KLHL14: variants seen among roughly 807,000 people sequenced by gnomAD.
KLHL14 encodes kelch-like protein 14.
A neutral mutation model predicts 64.3 loss-of-function variants in KLHL14; 22 were observed. That is an observed-to-expected ratio of 0.34 (90% CI 0.24 to 0.49). The LOEUF (loss-of-function observed/expected upper bound fraction) is 0.49, where lower values mean the gene tolerates loss of function less well. Ranked by LOEUF, KLHL14 falls within the 20% of genes least tolerant of loss-of-function variation. The pLI, the probability that KLHL14 is intolerant of heterozygous loss-of-function variation, is 0.99. For synonymous variants in KLHL14, 322 were observed against 333.4 expected, an observed-to-expected ratio of 0.97 and a Z score of 0.37; for missense variants, 661 against 789.0, an observed-to-expected ratio of 0.84 and a Z score of 1.94.
At chr18:32,693,409 CACACAGAGAG>C (rs2049920164) in intron 4 of KLHL14, among the ~76,000 whole-genome samples, 2 of 116,710 alleles carry the variant, frequency 1.7e-5, no homozygotes, top group African/African-American at 7.1e-5. Context: ...CACACACACA[CACACAGAGAG>C]AGAGAGAGAG....
chr18:32,683,799 A>G lies in KLHL14; in HGVS notation c.1239-3200T>C, dbSNP rs1469849259. 6.6e-6 allele frequency among the ~76,000 whole-genome samples: 1 copy of G among 152,198 alleles called. No homozygotes were observed. Among genetic ancestry groups the G allele is most frequent in the African/African-American group, 2.4e-5 (1 of 41,446 alleles). On this transcript the variant is annotated intron_variant, in intron 5 of 8. Coordinates refer to ENST00000359358, the MANE Select transcript of KLHL14 (RefSeq NM_020805.3). This position sits in a 1 kb window ranked among gnomAD's most constrained non-coding sequence, Gnocchi z 4.2. ...GTCAGTTTATATCCTAAAGCATGAG[A>G]TTGGATTACTATATCCTTACCCTGC... is the stretch of plus-strand genomic sequence containing the variant.
chr18:32,702,342 T>TG (rs1246871838), intron 3 of KLHL14, among the ~76,000 whole-genome samples: 6 of 121,928 alleles, frequency 4.9e-5, no homozygotes, highest in African/African-American at 2.0e-4. Context: ...AGGTTTTTTG[T>TG]TTTTTTTTTT....
intron 2 of KLHL14, among the ~76,000 whole-genome samples, chr18:32,748,783 C>T (rs1343030820): frequency 2.0e-5 from 3 of 152,156 alleles, no homozygotes; most frequent in Non-Finnish European, 4.4e-5. Flanking sequence ...AGCCACTGGG[C>T]CTGGCCTCTT....
At chr18:32,718,975 T>A (rs1342391474) in intron 3 of KLHL14, among the ~76,000 whole-genome samples, 3 of 151,964 alleles carry the variant, frequency 2.0e-5, no homozygotes, top group African/African-American at 7.3e-5. Context: ...TGAGACAGAG[T>A]TTCACTCTTG....
chr18:32,764,694 A>G (rs2050331448), intron 2 of KLHL14, among the ~76,000 whole-genome samples: 1 of 152,192 alleles, frequency 6.6e-6, no homozygotes, highest in South Asian at 2.1e-4. Flanking sequence ...TTCAGTGCCC[A>G]CAAATGCAGT....
At chr18:32,752,766 C>G (rs1028152852) in intron 2 of KLHL14, among the ~76,000 whole-genome samples, 10 of 148,246 alleles carry the variant, frequency 6.7e-5, no homozygotes, top group Middle Eastern at 3.5e-3. Flanking sequence ...GTAGTGGTTC[C>G]CAATGTGGGA....
chr18:32,763,273 T>C (rs1404396531), intron 2 of KLHL14, among the ~76,000 whole-genome samples: 1 of 152,204 alleles, frequency 6.6e-6, no homozygotes, highest in African/African-American at 2.4e-5. Context: ...TTAAGTGCTG[T>C]AGACCAGAAG....
At chr18:32,752,338 A>G (rs1004139556) in intron 2 of KLHL14, among the ~76,000 whole-genome samples, 2 of 152,176 alleles carry the variant, frequency 1.3e-5, no homozygotes, top group East Asian at 3.8e-4. Context: ...GAAAAAGGAA[A>G]AAGCGTATTT....
At chr18:32,732,091 G>C (rs1378973437) in intron 3 of KLHL14, among the ~76,000 whole-genome samples, 1 of 152,148 alleles carries the variant, frequency 6.6e-6, no homozygotes, top group Non-Finnish European at 1.5e-5. Context: ...GGGCGTGGTG[G>C]CACATGCCTG....
intron 3 of KLHL14, among the ~76,000 whole-genome samples, chr18:32,739,811 T>C (rs922863736): frequency 2.6e-5 from 4 of 152,224 alleles, no homozygotes; most frequent in South Asian, 2.1e-4. Flanking sequence ...GGGCAGTGGA[T>C]TGAAGTGGTA....
intron 3 of KLHL14, among the ~76,000 whole-genome samples, chr18:32,705,983 T>C (rs539167771): frequency 6.6e-6 from 1 of 152,336 alleles, no homozygotes; most frequent in South Asian, 2.1e-4. Context: ...CTGGAAGCAA[T>C]TGGTAGCATT....
rs59903048 is a variant in KLHL14 at position 32,674,503 on chromosome 18, G to A, written c.*154C>T. On this transcript the variant is annotated 3_prime_UTR_variant, in exon 9 of 9. Coordinates refer to ENST00000359358, the MANE Select transcript of KLHL14 (RefSeq NM_020805.3). ...AGACATAGTATCTGTTCAAGAACAG[G>A]TCTCTTTCTTTTGTAGTTACTTATA... 19,975 of 631,390 alleles carry A rather than the reference G, an allele frequency of 0.032. 516 individuals are homozygous for A. The highest frequency in any genetic ancestry group is 0.098 in the African/African-American group (5,442 of 55,518). 39.1% of individuals were successfully genotyped at this position (631,390 alleles called of 1,614,324 possible).
intron 4 of KLHL14, among the ~76,000 whole-genome samples, chr18:32,693,411 CACAG>C (rs1203594667): frequency 1.8e-3 from 205 of 113,018 alleles, no homozygotes; most frequent in Admixed American, 4.1e-3. Context: ...CACACACACA[CACAG>C]AGAGAGAGAG....
intron 2 of KLHL14, among the ~76,000 whole-genome samples, chr18:32,760,362 A>G (rs549023575): frequency 6.6e-6 from 1 of 150,510 alleles, no homozygotes; most frequent in Non-Finnish European, 1.5e-5. Flanking sequence ...ACACACACAC[A>G]TATACACACA....
intron 2 of KLHL14, among the ~76,000 whole-genome samples, chr18:32,747,804 T>C (rs1306092983): frequency 2.0e-5 from 3 of 152,194 alleles, no homozygotes; most frequent in East Asian, 1.9e-4. Flanking sequence ...AATATCAATC[T>C]TTTTTTAAAA....
chr18:32,710,551 A>G (rs577745311), intron 3 of KLHL14, among the ~76,000 whole-genome samples: 28 of 152,210 alleles, frequency 1.8e-4, no homozygotes, highest in South Asian at 8.3e-4. Flanking sequence ...GCTGTATATG[A>G]AACAGAAAAG....
intron 3 of KLHL14, among the ~76,000 whole-genome samples, chr18:32,705,435 T>C (rs1033189966): frequency 6.6e-5 from 10 of 152,202 alleles, no homozygotes; most frequent in African/African-American, 2.4e-4. Context: ...TAAAAGATTG[T>C]ATTATGACTG....
chr18:32,760,594 C>A (rs540192968), intron 2 of KLHL14, among the ~76,000 whole-genome samples: 1 of 152,172 alleles, frequency 6.6e-6, no homozygotes, highest in Non-Finnish European at 1.5e-5. Context: ...AGTCTCCATA[C>A]GGTGGCCCAG....
intron 2 of KLHL14, among the ~76,000 whole-genome samples, chr18:32,762,928 G>T (rs777802083): frequency 6.6e-6 from 1 of 151,990 alleles, no homozygotes; most frequent in Non-Finnish European, 1.5e-5. Context: ...GTCTTATTTT[G>T]TTATTAAAAT....
Sources: gnomAD v4.1 joint callset for allele counts (sites outside exome capture counted in the v4.1 genomes callset) on GRCh38, gnomAD v4.1.1 for gene constraint, Gnocchi (gnomAD v3.1) non-coding constraint, MANE v1.5 for transcripts, NCBI Gene and HGNC (gene_info 2026-07-23, HGNC 2026-07-21) for gene names.